TDO2: variants seen among roughly 807,000 people sequenced by gnomAD.
TDO2 encodes tryptamin 2,3-dioxygenase.
TDO2 carries 63 observed loss-of-function variants against 61.2 expected under a neutral mutation model. The ratio of observed to expected loss-of-function variants is 1.03; its 90% confidence interval spans 0.84 to 1.27. TDO2 has a LOEUF of 1.27. TDO2 is among the 50% of genes most tolerant of loss of function. The pLI, the probability that TDO2 is intolerant of heterozygous loss-of-function variation, is 0.00. For missense variants in TDO2, 494 were observed against 469.5 expected (o/e 1.05, Z -0.48); for synonymous variants, 183 against 164.0 (o/e 1.12, Z -0.89).
Position 155,910,208 on chromosome 4 carries a change from G to A in TDO2, c.615G>A (p.Val205=). 1.3e-6 allele frequency: 2 copies of A among 1,571,354 alleles called. No individual in the cohort carries two copies. Among genetic ancestry groups the A allele is most frequent in the Non-Finnish European group, 1.7e-6 (2 of 1,164,308 alleles). ...SEQEKTLLEL[V]EAWLERTPGL... Reference sequence around the variant, plus strand: ...AGGAAAAGACACTTCTGGAATTAGTGGAGGTATGGATTCATACAATTTATA... The same window carrying A: ...AGGAAAAGACACTTCTGGAATTAGTAGAGGTATGGATTCATACAATTTATA... Residue 205 remains valine (V), a synonymous_variant, in exon 6 of 12, where the codon GTG becomes GTA. Transcript: ENST00000536354.
intron 3 of TDO2, 143 bp from the exon 4 acceptor site, chr4:155,907,579 C>A: frequency 1.7e-6 from 1 of 573,618 alleles, no homozygotes; most frequent in Non-Finnish European, 3.1e-6. Context: ...TTATTTCTGG[C>A]ACACAATGGG....
chr4:155,915,828 A>C (rs370705231), intron 8 of TDO2, 27 bp from the exon 9 acceptor site: 3 of 1,591,764 alleles, frequency 1.9e-6, no homozygotes, highest in East Asian at 2.3e-5. Context: ...TGACCTAAAA[A>C]ATTTAAATTT....
chr4:155,918,227 G>A lies in TDO2; in HGVS notation c.1055G>A (p.Arg352Gln), dbSNP rs750482663. 19 of 1,614,052 alleles carry A rather than the reference G, an allele frequency of 1.2e-5. No individual in the cohort carries two copies. The highest frequency in any genetic ancestry group is 1.0e-4 in the Admixed American group (6 of 60,022). Residue 352 changes from arginine (R) to glutamine (Q), a missense_variant, in exon 11 of 12, where the codon CGA becomes CAA. By Grantham distance (43) the Arg-to-Gln change is conservative (BLOSUM62 1). Coordinates refer to ENST00000536354, the MANE Select transcript of TDO2 (RefSeq NM_005651.4). ...GGTTCCTCAGGCTATCACTACCTGC[G>A]ATCAACTGTGAGGTAGGTGGGGAAA... ...TGGSSGYHYL[R>Q]STVSDRYKVF...
rs2110862438 is a variant in TDO2, at chr4:155,905,144, C to G, written c.219C>G (p.Ile73Met). The G allele has an allele frequency of 6.3e-7, 1 of 1,590,074 alleles. No homozygotes were observed. Among genetic ancestry groups the G allele is most frequent in the East Asian group, 2.3e-5 (1 of 43,408 alleles). Residue 73 changes from isoleucine (I) to methionine (M), a missense_variant, in exon 3 of 12, where the codon ATC becomes ATG. Transcript: ENST00000536354. ...AAATCCATGATGAACATCTTTTTATCATAACTCATCAAGGTAAGTTGCACA... is the reference window on the plus strand; with the variant it reads ...AAATCCATGATGAACATCTTTTTATGATAACTCATCAAGGTAAGTTGCACA... ...GNKIHDEHLF[I>M]ITHQAYELWF...
In TDO2 at chr4:155,918,184, A is replaced by G; in HGVS notation, c.1012A>G (p.Ser338Gly). 1 of 1,614,120 alleles carries G rather than the reference A, an allele frequency of 6.2e-7. No homozygotes were observed. Among genetic ancestry groups the G allele is most frequent in the Non-Finnish European group, 8.5e-7 (1 of 1,179,962 alleles). Residue 338 changes from serine to glycine, a missense_variant, in exon 11 of 12, where the codon AGC becomes GGC. By Grantham distance (56) the Ser-to-Gly change is moderately conservative. Transcript: ENST00000536354. The stretch of plus-strand genomic sequence containing the variant: ...GTGCATGGTGCACAGAATGCTGGGC[A>G]GCAAAGCTGGCACCGGTGGTTCCTC... The part of the protein sequence containing the change: ...HVCMVHRMLG[S>G]KAGTGGSSGY...
At position 155,914,326 on chromosome 4, in the gene TDO2, AAAG is replaced by A; in HGVS notation, c.735_737del (p.Glu246del). ...TAATGCCATATTTTTCCTAAAGGCT[AAAG>A]AAGAGTCTGAAGAAAAAGAGGAACA... On this transcript the variant is annotated inframe_deletion, in exon 8 of 12. Coordinates refer to ENST00000536354, the MANE Select transcript of TDO2 (RefSeq NM_005651.4). 1 of 1,604,610 alleles carries A rather than the reference AAAG, an allele frequency of 6.2e-7. No homozygotes were observed. Among genetic ancestry groups the A allele is most frequent in the Non-Finnish European group, 8.5e-7 (1 of 1,177,322 alleles).
At chr4:155,909,982 C>A in intron 5 of TDO2, 43 bp from the exon 6 acceptor site, 1 of 1,041,252 alleles carries the variant, frequency 9.6e-7, no homozygotes, top group South Asian at 2.2e-5. Flanking sequence ...CCTCTCCTCT[C>A]TTTCCCTTCC....
intron 8 of TDO2, 22 bp from the exon 9 acceptor site, chr4:155,915,833 A>T (rs184947730): frequency 3.0e-5 from 48 of 1,594,462 alleles, no homozygotes; most frequent in Middle Eastern, 1.7e-4. Context: ...TAAAAAATTT[A>T]AATTTAGTAT....
chr4:155,920,163 A>T lies in TDO2; in HGVS notation c.*173A>T. On this transcript the variant is annotated 3_prime_UTR_variant, in exon 12 of 12. Transcript: ENST00000536354. ...CCTCTTGTTTGTGACAAGACTAAGC[A>T]TTAAGATGAGAAAGAATACATTTAA... 1.6e-6 allele frequency: 1 copy of T among 614,314 alleles called. No homozygotes were observed. The highest frequency in any genetic ancestry group is 2.8e-6 in the Non-Finnish European group (1 of 360,792). The allele number at this position is 614,314 out of a possible 1,614,324, so 38.1% of individuals were successfully genotyped here.
chr4:155,916,540 T>A (rs536384684), intron 9 of TDO2, among the ~76,000 whole-genome samples: 147 of 152,074 alleles, frequency 9.7e-4, no homozygotes, highest in African/African-American at 3.3e-3. Flanking sequence ...CATTAAACAA[T>A]GCTCTAAGAT....
chr4:155,919,699 T>C, intron 11 of TDO2, 138 bp from the exon 12 acceptor site: 1 of 668,952 alleles, frequency 1.5e-6, no homozygotes, highest in South Asian at 2.7e-5. Context: ...ATTTAATATA[T>C]GATATATACA....
At chr4:155,910,413 C>T (rs1382392090) in intron 6 of TDO2, among the ~76,000 whole-genome samples, 11 of 152,196 alleles carry the variant, frequency 7.2e-5, no homozygotes, top group South Asian at 2.1e-4. Context: ...CTGAGAACTT[C>T]GGAAATACTT....
At chr4:155,915,670 T>C (rs1742918323) in intron 8 of TDO2, among the ~76,000 whole-genome samples, 185 bp from the exon 9 acceptor site, 2 of 152,200 alleles carry the variant, frequency 1.3e-5, no homozygotes, top group South Asian at 4.1e-4. Context: ...TAAAATCCAA[T>C]GTTAAAATTG....
chr4:155,905,972 A>C (rs2110864028), intron 3 of TDO2: 1 of 152,324 alleles, frequency 6.6e-6, no homozygotes, highest in African/African-American at 2.4e-5. Flanking sequence ...TTTTATGTTT[A>C]TACTTTTATG....
At chr4:155,910,800 T>C (rs1274846278) in intron 6 of TDO2, among the ~76,000 whole-genome samples, 1 of 152,148 alleles carries the variant, frequency 6.6e-6, no homozygotes, top group Non-Finnish European at 1.5e-5. Context: ...TGTTGAATTA[T>C]ACTCTGCTCA....
Position 155,914,816 on chromosome 4 carries a change from C to T in TDO2, c.838+382C>T, listed in dbSNP as rs562916860. Among the ~76,000 whole-genome samples, 15 of 152,214 alleles carry T rather than the reference C, an allele frequency of 9.9e-5. No individual in the cohort carries two copies. In the South Asian group the frequency reaches 1.2e-3, roughly 13 times the overall value. On this transcript the variant is annotated intron_variant, in intron 8 of 11. Coordinates refer to ENST00000536354, the MANE Select transcript of TDO2 (RefSeq NM_005651.4). ...CTACCGTGAGAGCAAGTATTGATGT[C>T]GCCCCATTGTTTTAGAATTAAGATA...
rs1742804845 is a variant in TDO2, at chr4:155,910,183, A to T, written c.590A>T (p.Gln197Leu). 1 of 1,585,570 alleles carries T rather than the reference A, an allele frequency of 6.3e-7. No homozygotes were observed. Among genetic ancestry groups the T allele is most frequent in the African/African-American group, 1.4e-5 (1 of 72,896 alleles). The change falls in exon 6 of 12, where the codon CAG becomes CTG. Residue 197 changes from glutamine (Q) to leucine (L), a missense_variant. Coordinates refer to ENST00000536354, the MANE Select transcript of TDO2 (RefSeq NM_005651.4). ...AATGAACTGCTACTTAAATCTGAGC[A>T]GGAAAAGACACTTCTGGAATTAGTG... ...EENELLLKSEQEKTLLELVEA... is the reference protein window; with the variant it reads ...EENELLLKSELEKTLLELVEA...
chr4:155,914,548 T>G (rs1234527430), intron 8 of TDO2, 114 bp downstream of exon 8: 2 of 726,396 alleles, frequency 2.8e-6, no homozygotes, highest in Non-Finnish European at 2.1e-6. Flanking sequence ...AAAATTGATA[T>G]TCTACTGATA....
intron 6 of TDO2, 44 bp from the exon 7 acceptor site, chr4:155,911,453 A>G (rs2110874383): frequency 2.7e-6 from 4 of 1,480,908 alleles, no homozygotes; most frequent in East Asian, 2.4e-5. Flanking sequence ...TGCATTTTAC[A>G]TAATTTTACC....
Sources: allele counts gnomAD v4.1 joint callset (sites outside exome capture counted in the v4.1 genomes callset), GRCh38; gene constraint gnomAD v4.1.1; transcripts MANE v1.5; gene names NCBI Gene and HGNC (gene_info 2026-07-23, HGNC 2026-07-21).